Variants in MTMR3 observed in about 807,000 individuals in gnomAD.
MTMR3 encodes the protein myotubularin related protein 3, also known as phosphatidylinositol-3,5-bisphosphate 3-phosphatase MTMR3.
A neutral mutation model predicts 132.4 loss-of-function variants in MTMR3; 32 were observed. The observed-to-expected ratio is 0.24, with a 90% confidence interval of 0.18 to 0.32. MTMR3 has a LOEUF of 0.32. Ranked by LOEUF, MTMR3 falls within the 10% of genes least tolerant of loss-of-function variation. MTMR3 has a pLI of 1.00. For synonymous variants in MTMR3, 556 were observed against 550.3 expected (o/e 1.01, Z -0.14); for missense variants, 1,216 against 1,489.6 (o/e 0.82, Z 3.02).
intron 1 of MTMR3, among the ~76,000 whole-genome samples, chr22:29,915,582 C>T (rs908374002): frequency 3.9e-5 from 6 of 152,048 alleles, no homozygotes; most frequent in Non-Finnish European, 4.4e-5. Context: ...CCACCATGCC[C>T]GGCTAATTTT....
intron 1 of MTMR3, among the ~76,000 whole-genome samples, chr22:29,895,882 C>T (rs1405193081): frequency 6.6e-6 from 1 of 152,168 alleles, no homozygotes; most frequent in Non-Finnish European, 1.5e-5. Context: ...TGTATAAAAT[C>T]CACTTTTTGT....
intron 3 of MTMR3, among the ~76,000 whole-genome samples, chr22:29,973,168 C>A (rs1454111409): frequency 6.6e-6 from 1 of 152,074 alleles, no homozygotes; most frequent in African/African-American, 2.4e-5. Context: ...AACTGTAAAC[C>A]GCTGTACTAA....
intron 1 of MTMR3, among the ~76,000 whole-genome samples, chr22:29,931,871 T>C (rs1183741964): frequency 1.3e-5 from 2 of 150,452 alleles, no homozygotes; most frequent in Non-Finnish European, 2.9e-5. Context: ...AAGACAGCAA[T>C]GTCACGGATT....
chr22:29,984,155 G>A (rs1027035611), intron 5 of MTMR3: 2 of 151,856 alleles, frequency 1.3e-5, no homozygotes, highest in Non-Finnish European at 2.9e-5. Flanking sequence ...TTTGTGCCCA[G>A]ATATTCCACT....
At position 29,991,683 on chromosome 22, in the gene MTMR3, GA is replaced by G; in HGVS notation, c.460+16del. 1.3e-6 allele frequency: 2 copies of G among 1,574,250 alleles called. No individual in the cohort carries two copies. The highest frequency in any genetic ancestry group is 1.2e-5 in the South Asian group (1 of 85,452). On this transcript the variant is annotated intron_variant, in intron 7 of 19. Transcript: ENST00000401950. ...CTGTGCAGACCAGGTACGCCTTTCT[GA>G]AATGTGCAAATGGCCAGGGGCTTTA...
chr22:29,951,422 G>GTTGGTT (rs1287052305), intron 1 of MTMR3, among the ~76,000 whole-genome samples: 1 of 152,150 alleles, frequency 6.6e-6, no homozygotes, highest in East Asian at 1.9e-4. Flanking sequence ...ATTTGTTAAG[G>GTTGGTT]TTGGTTTACT....
intron 8 of MTMR3, 135 bp downstream of exon 8, chr22:29,998,992 C>A: frequency 1.8e-6 from 1 of 544,122 alleles, no homozygotes; most frequent in Non-Finnish European, 3.2e-6. Flanking sequence ...AAGGCATGAT[C>A]TTCAGAGTAT....
At chr22:30,002,802 A>G in intron 8 of MTMR3, 78 bp from the exon 9 acceptor site, 4 of 1,056,094 alleles carry the variant, frequency 3.8e-6, no homozygotes, top group South Asian at 2.8e-5. Flanking sequence ...TGGCTCACCT[A>G]GTGTCTCTCT....
At chr22:29,988,697 G>C (rs891419909) in intron 6 of MTMR3, 135 bp downstream of exon 6, 24 of 520,656 alleles carry the variant, frequency 4.6e-5, no homozygotes, top group African/African-American at 3.7e-4. Flanking sequence ...AGTAGTTTGT[G>C]CCTGAAATAT....
intron 1 of MTMR3, among the ~76,000 whole-genome samples, chr22:29,884,802 G>A (rs1568989360): frequency 6.6e-6 from 1 of 152,188 alleles, no homozygotes; most frequent in African/African-American, 2.4e-5. Context: ...GACCTCAAGT[G>A]ATCCGCTTGC....
chr22:29,888,035 G>A (rs571212395), intron 1 of MTMR3, among the ~76,000 whole-genome samples: 146 of 150,866 alleles, frequency 9.7e-4, no homozygotes, highest in Non-Finnish European at 1.6e-3. Context: ...TTTTTTTTTG[G>A]ACACAGAATC....
chr22:29,924,723 C>T (rs1415188572), intron 1 of MTMR3, among the ~76,000 whole-genome samples: 1 of 152,012 alleles, frequency 6.6e-6, no homozygotes, highest in Non-Finnish European at 1.5e-5. Flanking sequence ...TTTGTGTATT[C>T]TTTAATTTAT....
intron 1 of MTMR3, among the ~76,000 whole-genome samples, chr22:29,954,011 C>A (rs1325990463): frequency 7.1e-6 from 1 of 140,264 alleles, no homozygotes; most frequent in East Asian, 2.1e-4. Flanking sequence ...CAGAGAGCTT[C>A]TTTCAGACTC....
intron 3 of MTMR3, among the ~76,000 whole-genome samples, chr22:29,975,211 T>G (rs1487879709): frequency 1.3e-5 from 2 of 152,234 alleles, no homozygotes; most frequent in African/African-American, 4.8e-5. Flanking sequence ...AGGGTTTGTT[T>G]ATGTGGGTTA....
intron 1 of MTMR3, among the ~76,000 whole-genome samples, chr22:29,949,590 C>T (rs1275909709): frequency 1.2e-4 from 18 of 148,560 alleles, no homozygotes; most frequent in Non-Finnish European, 7.4e-5. Flanking sequence ...CTGCCTGTCT[C>T]ATTGATTAGT....
In MTMR3 at chr22:29,960,991, C is replaced by G. The variant is rs2066300232; in HGVS notation, c.-85+3903C>G. 2.0e-5 allele frequency among the ~76,000 whole-genome samples: 3 copies of G among 152,044 alleles called. No individual in the cohort carries two copies. The South Asian group carries it at 6.2e-4, about 31-fold the overall frequency. ...TTCCCTAGGAAGGTAGATTGTTAAC[C>G]ATTATATAGTTTTTTGTGTATGTAT... On this transcript the variant is annotated intron_variant, in intron 2 of 19. Transcript: ENST00000401950.
chr22:29,886,372 A>T (rs907224246), intron 1 of MTMR3, among the ~76,000 whole-genome samples: 1 of 152,214 alleles, frequency 6.6e-6, no homozygotes, highest in African/African-American at 2.4e-5. Context: ...AATGAATCTT[A>T]AGTGTTTCAG....
At chr22:29,885,472 A>G (rs1418388769) in intron 1 of MTMR3, among the ~76,000 whole-genome samples, 1 of 152,232 alleles carries the variant, frequency 6.6e-6, no homozygotes, top group African/African-American at 2.4e-5. Context: ...GTTATTAGGA[A>G]CACACTTGAT....
At chr22:30,014,561 T>TGC (rs2067525330) in intron 14 of MTMR3, 3 of 140,728 alleles carry the variant, frequency 2.1e-5, no homozygotes. Context: ...CAAGCTGGAG[T>TGC]GCAGCAGTGT....
Sources: gnomAD v4.1 joint callset for allele counts (sites outside exome capture counted in the v4.1 genomes callset) on GRCh38, gnomAD v4.1.1 for gene constraint, MANE v1.5 for transcripts, NCBI Gene and HGNC (gene_info 2026-07-23, HGNC 2026-07-21) for gene names.